FSD1L: variants seen among roughly 807,000 people sequenced by gnomAD.
FSD1L encodes FSD1-like protein.
Under a neutral mutation model 71.6 loss-of-function variants are expected in FSD1L, and 45 were observed. The observed-to-expected ratio is 0.63, with a 90% CI of 0.49 to 0.81. The LOEUF is 0.81. FSD1L is among the 30% of genes least tolerant of loss of function. FSD1L has a pLI of 0.00. For missense variants in FSD1L, 561 were observed against 618.1 expected, an observed-to-expected ratio of 0.91 and a Z score of 0.98; for synonymous variants, 197 against 207.2, an observed-to-expected ratio of 0.95 and a Z score of 0.42.
intron 3 of FSD1L, among the ~76,000 whole-genome samples, chr9:105,465,852 G>A (rs1831029877): frequency 6.6e-6 from 1 of 151,138 alleles, no homozygotes; most frequent in Admixed American, 6.6e-5. Context: ...TCAGGAACAA[G>A]ACAAAGATGT....
At chr9:105,505,248 G>GT (rs1419421614) in intron 7 of FSD1L, among the ~76,000 whole-genome samples, 7 of 151,968 alleles carry the variant, frequency 4.6e-5, no homozygotes, top group South Asian at 2.1e-4. Flanking sequence ...ATTCTTTGTT[G>GT]TTTTTTTGTT....
chr9:105,536,877 T>G (rs1475708566), intron 12 of FSD1L, among the ~76,000 whole-genome samples: 1 of 152,160 alleles, frequency 6.6e-6, no homozygotes, highest in Non-Finnish European at 1.5e-5. Flanking sequence ...CCTCAAGTGA[T>G]CCACCTGGCT....
intron 1 of FSD1L, among the ~76,000 whole-genome samples, chr9:105,460,696 T>G (rs573366592): frequency 6.6e-6 from 1 of 152,280 alleles, no homozygotes; most frequent in East Asian, 1.9e-4. Flanking sequence ...GATGATTCTT[T>G]GAATTTGTCT....
intron 5 of FSD1L, among the ~76,000 whole-genome samples, chr9:105,477,163 A>C (rs1564094911): frequency 6.6e-6 from 1 of 152,226 alleles, no homozygotes; most frequent in Non-Finnish European, 1.5e-5. Context: ...CTTGACACAA[A>C]ATTGAATCAT....
At chr9:105,508,934 T>G (rs1372064970) in intron 9 of FSD1L, among the ~76,000 whole-genome samples, 1 of 152,190 alleles carries the variant, frequency 6.6e-6, no homozygotes, top group African/African-American at 2.4e-5. Context: ...TAAAATAGAC[T>G]GAGATGATGG....
intron 13 of FSD1L, among the ~76,000 whole-genome samples, chr9:105,543,648 T>G (rs1836777130): frequency 6.6e-6 from 1 of 152,118 alleles, no homozygotes; most frequent in Non-Finnish European, 1.5e-5. Context: ...GTGTTTTCAT[T>G]GTTCAGTTCC....
chr9:105,485,204 G>A (rs1010068391), intron 7 of FSD1L, among the ~76,000 whole-genome samples: 1 of 152,202 alleles, frequency 6.6e-6, no homozygotes, highest in African/African-American at 2.4e-5. Flanking sequence ...ATAAAGAAAA[G>A]AGGTTCTCTA....
At chr9:105,532,723 C>T (rs1242076013) in intron 10 of FSD1L, among the ~76,000 whole-genome samples, 1 of 152,138 alleles carries the variant, frequency 6.6e-6, no homozygotes, top group Non-Finnish European at 1.5e-5. Context: ...TTTTAGTTGT[C>T]TTTTTAAAGA....
At position 105,534,516 on chromosome 9, in the gene FSD1L, G is replaced by A. The variant is rs1337271918; in HGVS notation, c.1049G>A (p.Arg350Gln). 69 of 1,548,692 alleles carry A rather than the reference G, an allele frequency of 4.5e-5. No homozygotes were observed. The highest frequency in any genetic ancestry group is 5.8e-5 in the Non-Finnish European group (66 of 1,144,780). The change falls in exon 11 of 14, where the codon CGA becomes CAA. Residue 350 changes from arginine (R) to glutamine (Q), a missense_variant. Around this residue, in one of 3 missense-constraint regions of FSD1L, gnomAD observed 410 missense variants for 413.5 expected, o/e 0.99. Transcript: ENST00000481272. Reference protein sequence around the residue: ...KGRSGTPSPKRTSVGSRPPAV... With the variant: ...KGRSGTPSPKQTSVGSRPPAV... ...AGAAGTGGTACACCATCCCCAAAAC[G>A]AACATCTGTAGGCTCCAGGCCACCA...
chr9:105,460,357 C>T (rs180792204), intron 1 of FSD1L, among the ~76,000 whole-genome samples: 166 of 151,972 alleles, frequency 1.1e-3, no homozygotes, highest in African/African-American at 3.9e-3. Flanking sequence ...CTTGGGAAGC[C>T]GAAGTGGGTG....
chr9:105,504,987 T>C (rs925562201), intron 7 of FSD1L, among the ~76,000 whole-genome samples: 3 of 152,210 alleles, frequency 2.0e-5, no homozygotes, highest in Admixed American at 6.5e-5. Flanking sequence ...TATTCTGCAT[T>C]AGTGGGGTAC....
intron 2 of FSD1L, among the ~76,000 whole-genome samples, chr9:105,463,030 C>T (rs1014953101): frequency 9.9e-5 from 15 of 150,862 alleles, no homozygotes; most frequent in East Asian, 6.1e-4. Context: ...TCCAGCTACT[C>T]GGGAGGCTGA....
Position 105,545,201 on chromosome 9 carries a change from A to C in FSD1L, c.1468-1157A>C, listed in dbSNP as rs1000854893. 4.7e-5 allele frequency among the ~76,000 whole-genome samples: 7 copies of C among 148,010 alleles called. 1 individual carries two copies. The highest frequency in any genetic ancestry group is 1.0e-4 in the Non-Finnish European group (7 of 67,514). The stretch of plus-strand genomic sequence containing the variant: ...TCTCTTTGAAGCAATTGTGAATGGG[A>C]GTTCACTCATGATTTGGCTCTCTGT... On this transcript the variant is annotated intron_variant, in intron 13 of 13. Coordinates refer to ENST00000481272, the MANE Select transcript of FSD1L (RefSeq NM_001145313.3).
chr9:105,520,892 A>G lies in FSD1L; in HGVS notation c.1025+7956A>G, dbSNP rs373635073. On this transcript the variant is annotated intron_variant, in intron 10 of 13. Transcript: ENST00000481272. ...ATCTCACAAGCTATTTTCTTGAAGC[A>G]CTTCTAAAATACATAGTCATTCAGG... 313 of 1,612,260 alleles carry G rather than the reference A, an allele frequency of 1.9e-4. 1 individual carries two copies. The South Asian group carries it at 3.2e-3, about 17-fold the overall frequency.
intron 7 of FSD1L, among the ~76,000 whole-genome samples, chr9:105,486,696 A>G (rs1832573081): frequency 6.6e-6 from 1 of 152,192 alleles, no homozygotes; most frequent in African/African-American, 2.4e-5. Context: ...GTGGAGAGCA[A>G]AGAAAAATTT....
intron 10 of FSD1L, chr9:105,523,882 T>C: frequency 1.3e-6 from 2 of 1,591,892 alleles, no homozygotes; most frequent in Non-Finnish European, 8.6e-7. Context: ...GCCACAATGC[T>C]TATTATGGAT....
chr9:105,480,136 T>C (rs1832074114), intron 6 of FSD1L, among the ~76,000 whole-genome samples: 1 of 152,212 alleles, frequency 6.6e-6, no homozygotes, highest in Admixed American at 6.5e-5. Flanking sequence ...CTGAGGGTCA[T>C]GAGATTCTCT....
chr9:105,472,095 C>T (rs765218867), intron 5 of FSD1L, 90 bp downstream of exon 5: 91 of 1,324,888 alleles, frequency 6.9e-5, no homozygotes, highest in Non-Finnish European at 8.5e-5. Context: ...GATTTCTTTA[C>T]TGATTTCTAA....
At chr9:105,539,423 A>G in intron 13 of FSD1L, 72 bp downstream of exon 13, 1 of 565,216 alleles carries the variant, frequency 1.8e-6, no homozygotes, top group Non-Finnish European at 2.9e-6. Context: ...AGAATATTCT[A>G]TACTGTATAT....
Sources: allele counts gnomAD v4.1 joint callset (sites outside exome capture counted in the v4.1 genomes callset), GRCh38; gene constraint gnomAD v4.1.1; regional missense constraint gnomAD v4.1.1; transcripts MANE v1.5; gene names NCBI Gene and HGNC (gene_info 2026-07-23, HGNC 2026-07-21).